PATJ: variants seen among roughly 807,000 people sequenced by gnomAD.
PATJ encodes the protein inaD-like protein.
Under a neutral mutation model 224.9 loss-of-function variants are expected in PATJ, and 190 were observed. The ratio of observed to expected loss-of-function variants is 0.84; its 90% CI spans 0.75 to 0.95. The LOEUF (loss-of-function observed/expected upper bound fraction) is 0.95, where lower values mean the gene tolerates loss of function less well. Among genes scored for constraint, PATJ ranks in the 40% least tolerant of loss-of-function variants. The pLI is 0.00. For synonymous variants in PATJ, 769 were observed against 820.3 expected (o/e 0.94, Z 1.07); for missense variants, 2,121 against 2,270.3 (o/e 0.93, Z 1.34).
At chr1:61,764,933 C>T (rs1350087896) in intron 3 of PATJ, among the ~76,000 whole-genome samples, 2 of 152,046 alleles carry the variant, frequency 1.3e-5, no homozygotes, top group South Asian at 4.2e-4. Flanking sequence ...TGTAACTACC[C>T]TATCCTAATA....
At chr1:61,794,159 C>T (rs1227396584) in intron 9 of PATJ, among the ~76,000 whole-genome samples, 1 of 152,058 alleles carries the variant, frequency 6.6e-6, no homozygotes, top group Non-Finnish European at 1.5e-5. Flanking sequence ...GCCTCAGCCT[C>T]CCAAAGTGCT....
chr1:62,011,014 T>C (rs1646415413), intron 28 of PATJ, among the ~76,000 whole-genome samples: 1 of 152,216 alleles, frequency 6.6e-6, no homozygotes, highest in Admixed American at 6.5e-5. Context: ...TCAGCCTTGA[T>C]AGAATTGAAG....
At chr1:61,808,326 G>T (rs894196578) in intron 13 of PATJ, 148 bp from the exon 14 acceptor site, 1 of 641,256 alleles carries the variant, frequency 1.6e-6, no homozygotes, top group African/African-American at 1.9e-5. Flanking sequence ...CACATTATGT[G>T]TTATAGATTT....
intron 39 of PATJ, among the ~76,000 whole-genome samples, chr1:62,127,150 G>A (rs2148940639): frequency 6.6e-6 from 1 of 152,282 alleles, no homozygotes; most frequent in Non-Finnish European, 1.5e-5. Context: ...AAAATAAAAG[G>A]TTTTAGAGGA....
chr1:61,915,150 T>C (rs1322323965), intron 26 of PATJ, among the ~76,000 whole-genome samples: 2 of 152,254 alleles, frequency 1.3e-5, no homozygotes, highest in Non-Finnish European at 2.9e-5. Flanking sequence ...TCTGTTGACC[T>C]AAAAATTATT....
At chr1:62,123,089 T>G (rs772182870) in intron 39 of PATJ, 31 bp downstream of exon 39, 2 of 1,552,156 alleles carry the variant, frequency 1.3e-6, no homozygotes, top group Admixed American at 3.4e-5. Context: ...TATGTATTTT[T>G]CTGGTTTGTG....
chr1:62,028,964 A>AATACATACATACATACATACATAC (rs66669120), intron 29 of PATJ, among the ~76,000 whole-genome samples: 312 of 147,656 alleles, frequency 2.1e-3, no homozygotes, highest in African/African-American at 2.7e-3. Flanking sequence ...CCTGTCTCAA[A>AATACATACATACATACATACATAC]ATACATACAT....
At chr1:62,050,120 CAA>C (rs35986021) in intron 30 of PATJ, among the ~76,000 whole-genome samples, 17 of 95,178 alleles carry the variant, frequency 1.8e-4, no homozygotes, top group East Asian at 4.2e-4. Flanking sequence ...TCTGCCCCAC[CAA>C]AAAAAAAAAA....
chr1:61,933,704 C>G (rs1407921019), intron 27 of PATJ, among the ~76,000 whole-genome samples: 1 of 152,066 alleles, frequency 6.6e-6, no homozygotes, highest in African/African-American at 2.4e-5. Flanking sequence ...GATGCCATGT[C>G]TTTTTTCCAC....
At chr1:61,928,827 CTT>C (rs1234501461) in intron 27 of PATJ, among the ~76,000 whole-genome samples, 2 of 151,370 alleles carry the variant, frequency 1.3e-5, no homozygotes, top group Non-Finnish European at 2.9e-5. Flanking sequence ...AAATAAATAA[CTT>C]TATGATAATT....
At chr1:61,954,754 TG>T (rs147592633) in intron 27 of PATJ, among the ~76,000 whole-genome samples, 56,299 of 138,896 alleles carry the variant, frequency 0.41, 12,256 homozygotes, top group East Asian at 0.77. Flanking sequence ...CAAACTCTAT[TG>T]TTTTTTTTTT....
chr1:61,886,819 C>CAAAAAAAAAAAAAAAGAAAAAAA (rs35950461), intron 22 of PATJ, among the ~76,000 whole-genome samples: 1 of 87,418 alleles, frequency 1.1e-5, no homozygotes. Flanking sequence ...GACCCCATCT[C>CAAAAAAAAAAAAAAAGAAAAAAA]AAAAAAAAAA....
At chr1:62,123,469 C>CT (rs34621846) in intron 39 of PATJ, among the ~76,000 whole-genome samples, 5,435 of 64,712 alleles carry the variant, frequency 0.084, 1,373 homozygotes, top group East Asian at 0.75. Context: ...CTATAAGTTT[C>CT]TTTTTTTTTT....
intron 30 of PATJ, among the ~76,000 whole-genome samples, chr1:62,048,995 A>C (rs760037185): frequency 6.6e-6 from 1 of 152,180 alleles, no homozygotes; most frequent in Non-Finnish European, 1.5e-5. Context: ...TTTGAAAGCA[A>C]CTTGCCCCAA....
chr1:61,913,955 T>C (rs1673056684), intron 25 of PATJ, among the ~76,000 whole-genome samples: 1 of 152,248 alleles, frequency 6.6e-6, no homozygotes, highest in Non-Finnish European at 1.5e-5. Flanking sequence ...TTTAGTCTTT[T>C]TCGTCTTCAG....
At chr1:62,056,976 G>T (rs1234881357) in intron 31 of PATJ, among the ~76,000 whole-genome samples, 1 of 152,060 alleles carries the variant, frequency 6.6e-6, no homozygotes, top group African/African-American at 2.4e-5. Flanking sequence ...ACAGGCATGC[G>T]CCACCAGGCC....
intron 31 of PATJ, among the ~76,000 whole-genome samples, chr1:62,070,519 A>G (rs1228758187): frequency 6.6e-6 from 1 of 152,252 alleles, no homozygotes; most frequent in Non-Finnish European, 1.5e-5. Flanking sequence ...TCATATTAAG[A>G]TATGGGAGAC....
At chr1:61,751,356 G>A (rs72927656) in intron 1 of PATJ, among the ~76,000 whole-genome samples, 2,179 of 152,182 alleles carry the variant, frequency 0.014, 45 homozygotes, top group African/African-American at 0.05. Context: ...CGGCAGTGCG[G>A]GTAAAATTGA....
chr1:62,051,158 C>A, intron 31 of PATJ, 100 bp downstream of exon 31: 1 of 856,338 alleles, frequency 1.2e-6, no homozygotes, highest in South Asian at 1.6e-5. Flanking sequence ...GTTTGCTTCT[C>A]TCAGGAATCT....
Sources: gnomAD v4.1 joint callset for allele counts (sites outside exome capture counted in the v4.1 genomes callset) on GRCh38, gnomAD v4.1.1 for gene constraint, MANE v1.5 for transcripts, NCBI Gene and HGNC (gene_info 2026-07-23, HGNC 2026-07-21) for gene names.